Variants in MAP3K19 observed in about 807,000 individuals in gnomAD.
MAP3K19 encodes mitogen-activated protein kinase kinase kinase 19.
Under a neutral mutation model 114.4 loss-of-function variants are expected in MAP3K19, and 91 were observed. The ratio of observed to expected loss-of-function variants is 0.80; its 90% confidence interval spans 0.67 to 0.95. The LOEUF (loss-of-function observed/expected upper bound fraction) is 0.95. Ranked by LOEUF, MAP3K19 falls within the 40% of genes least tolerant of loss-of-function variation. The pLI is 0.00. For synonymous variants in MAP3K19, 518 were observed against 530.5 expected (o/e 0.98, Z 0.32); for missense variants, 1,471 against 1,573.2 (o/e 0.94, Z 1.10).
chr2:134,995,731 T>C (rs1685935881), intron 8 of MAP3K19, among the ~76,000 whole-genome samples: 1 of 152,080 alleles, frequency 6.6e-6, no homozygotes, highest in East Asian at 1.9e-4. Flanking sequence ...GCAAATAATA[T>C]TTTACCTAGT....
chr2:134,998,144 A>G (rs1440018574), intron 8 of MAP3K19, among the ~76,000 whole-genome samples: 1 of 152,132 alleles, frequency 6.6e-6, no homozygotes, highest in Non-Finnish European at 1.5e-5. Context: ...TGGCTCTTAG[A>G]CTTGCACATT....
intron 5 of MAP3K19, among the ~76,000 whole-genome samples, chr2:135,020,167 A>G (rs906487925): frequency 6.6e-6 from 1 of 151,958 alleles, no homozygotes. Flanking sequence ...ACAGGTGCCC[A>G]CCACCAAGCC....
At chr2:134,967,849 C>A (rs80112031) in intron 12 of MAP3K19, among the ~76,000 whole-genome samples, 39,413 of 151,036 alleles carry the variant, frequency 0.26, 5,514 homozygotes, top group Middle Eastern at 0.61. Flanking sequence ...TCTGTGTCTT[C>A]TTTCTTTCTT....
chr2:134,986,097 A>T lies in MAP3K19; in HGVS notation c.2775T>A (p.His925Gln). ...ASSQTYQYWV[H>Q]YLDHDSLANK... ...TTGCTAAACTATCATGATCCAAATA[A>T]TGTACCCAATATTGATATGTCTGGG... Residue 925 changes from histidine to glutamine, a missense_variant, in exon 10 of 13, where the codon CAT (histidine) becomes CAA (glutamine). His to Gln is a conservative substitution (Grantham distance 24). Transcript: ENST00000392915. 6.2e-7 allele frequency: 1 copy of T among 1,614,038 alleles called. No individual in the cohort carries two copies. The highest frequency in any genetic ancestry group is 8.5e-7 in the Non-Finnish European group (1 of 1,179,936).
chr2:134,995,098 G>A (rs1685882711), intron 8 of MAP3K19, among the ~76,000 whole-genome samples: 1 of 152,038 alleles, frequency 6.6e-6, no homozygotes, highest in Non-Finnish European at 1.5e-5. Flanking sequence ...AATCACTTGA[G>A]CCCAAGAGTT....
intron 8 of MAP3K19, 63 bp from the exon 9 acceptor site, chr2:134,991,643 G>C (rs1685589375): frequency 1.5e-6 from 2 of 1,361,822 alleles, no homozygotes; most frequent in Non-Finnish European, 2.1e-6. Context: ...TCTCAAGCCA[G>C]AGTCTGGGGA....
intron 5 of MAP3K19, among the ~76,000 whole-genome samples, chr2:135,011,282 T>A (rs1444869157): frequency 1.4e-4 from 21 of 150,132 alleles, no homozygotes; most frequent in Admixed American, 1.1e-3. Context: ...TCACGCCTGT[T>A]ATCCCAGCAC....
At chr2:135,025,904 T>C (rs1688243437) in intron 3 of MAP3K19, among the ~76,000 whole-genome samples, 1 of 152,164 alleles carries the variant, frequency 6.6e-6, no homozygotes, top group Admixed American at 6.5e-5. Context: ...TAGATTACAG[T>C]GAGGGAAACA....
At chr2:135,009,283 A>AT (rs542686853) in intron 5 of MAP3K19, among the ~76,000 whole-genome samples, 122 of 152,148 alleles carry the variant, frequency 8.0e-4, no homozygotes, top group African/African-American at 2.7e-3. Flanking sequence ...ATTTTATTAT[A>AT]TTTAATGTAA....
chr2:134,985,080 T>C (rs947663986), intron 10 of MAP3K19, among the ~76,000 whole-genome samples: 2 of 152,256 alleles, frequency 1.3e-5, no homozygotes, highest in African/African-American at 4.8e-5. Flanking sequence ...GGGAGGCTTG[T>C]GTACTTTAGT....
chr2:134,985,199 T>G (rs538697808), intron 10 of MAP3K19, among the ~76,000 whole-genome samples: 1 of 152,368 alleles, frequency 6.6e-6, no homozygotes, highest in Admixed American at 6.5e-5. Context: ...GATTTTTGCT[T>G]ACACTTCCAT....
chr2:134,999,008 A>T lies in MAP3K19; in HGVS notation c.315-11T>A. The T allele has an allele frequency of 6.2e-7, 1 of 1,603,426 alleles. No individual in the cohort carries two copies. The highest frequency in any genetic ancestry group is 1.1e-5 in the South Asian group (1 of 89,172). The stretch of plus-strand genomic sequence containing the variant: ...GATGAGTTTATCAGACTAAAGGGGG[A>T]GGGAAATGTTTGATTTAAAACTCAG... On this transcript the variant is annotated splice_polypyrimidine_tract_variant and intron_variant, in intron 7 of 12. Coordinates refer to ENST00000392915, the MANE Select transcript of MAP3K19 (RefSeq NM_025052.5). This position sits in a 1 kb window ranked among gnomAD's most constrained non-coding sequence, Gnocchi z 4.1.
intron 3 of MAP3K19, 105 bp from the exon 4 acceptor site, chr2:135,024,846 CTT>C: frequency 1.9e-6 from 1 of 533,466 alleles, no homozygotes; most frequent in Non-Finnish European, 3.3e-6. Context: ...AAAAAGTAAT[CTT>C]ATGTAGTTTG....
At chr2:134,993,617 T>C (rs1206452277) in intron 8 of MAP3K19, among the ~76,000 whole-genome samples, 1 of 152,206 alleles carries the variant, frequency 6.6e-6, no homozygotes, top group Non-Finnish European at 1.5e-5. Flanking sequence ...AATTTATAGT[T>C]GGGTACATAA....
chr2:135,033,609 TG>T (rs1453465923), intron 2 of MAP3K19, among the ~76,000 whole-genome samples: 1 of 80,292 alleles, frequency 1.2e-5, no homozygotes, highest in Non-Finnish European at 2.2e-5. Flanking sequence ...ACGGGGCGGC[TG>T]GCCGGGCAGA....
Position 134,986,164 on chromosome 2 carries a change from A to G in MAP3K19, c.2708T>C (p.Leu903Pro). ...FDSVSDHSKT[L>P]TNFSFQAKQE... ...TTTTGCTTGGAAAGAGAAATTTGTA[A>G]GTGTTTTAGAGTGATCTGAAACACT... Residue 903 changes from leucine (L) to proline (P), a missense_variant, in exon 10 of 13, where the codon CTT becomes CCT. Physicochemically the swap from Leu to Pro is moderately conservative, Grantham distance 98. Coordinates refer to ENST00000392915, the MANE Select transcript of MAP3K19 (RefSeq NM_025052.5). 6.2e-7 allele frequency: 1 copy of G among 1,612,844 alleles called. No homozygotes were observed. Among genetic ancestry groups the G allele is most frequent in the East Asian group, 2.2e-5 (1 of 44,872 alleles).
At chr2:135,040,203 T>C (rs16831294) in intron 2 of MAP3K19, among the ~76,000 whole-genome samples, 160 bp downstream of exon 2, 201 of 152,300 alleles carry the variant, frequency 1.3e-3, no homozygotes, top group African/African-American at 4.7e-3. Context: ...TAGAGATGGT[T>C]CCTATCTAGA....
chr2:135,043,070 G>A (rs1171877648), intron 1 of MAP3K19, among the ~76,000 whole-genome samples: 3 of 152,066 alleles, frequency 2.0e-5, no homozygotes, highest in Non-Finnish European at 4.4e-5. Flanking sequence ...GCAACAGAGC[G>A]AGACTCCATC....
chr2:135,023,949 T>C (rs1459845204), intron 4 of MAP3K19, among the ~76,000 whole-genome samples: 1 of 152,104 alleles, frequency 6.6e-6, no homozygotes, highest in Non-Finnish European at 1.5e-5. Flanking sequence ...CTCCCCTCCA[T>C]GGGCCCAGTT....
Sources: gnomAD v4.1 joint callset for allele counts (sites outside exome capture counted in the v4.1 genomes callset) on GRCh38, gnomAD v4.1.1 for gene constraint, Gnocchi (gnomAD v3.1) non-coding constraint, MANE v1.5 for transcripts, NCBI Gene and HGNC (gene_info 2026-07-23, HGNC 2026-07-21) for gene names.